TMEM144: variants seen among roughly 807,000 people sequenced by gnomAD.
TMEM144 encodes the protein transmembrane protein 144.
A neutral mutation model predicts 43.6 loss-of-function variants in TMEM144; 39 were observed. That is an observed-to-expected ratio of 0.90 (90% CI 0.69 to 1.17). TMEM144 has a LOEUF of 1.17. Ranked by LOEUF, TMEM144 falls within the 50% of genes most tolerant of loss-of-function variation. TMEM144 has a pLI of 0.00. For synonymous variants in TMEM144, 154 were observed against 133.6 expected, an observed-to-expected ratio of 1.15 and a Z score of -1.06; for missense variants, 417 against 411.9, an observed-to-expected ratio of 1.01 and a Z score of -0.11.
intron 6 of TMEM144, among the ~76,000 whole-genome samples, chr4:158,232,371 T>C (rs1451568505): frequency 6.6e-6 from 1 of 152,216 alleles, no homozygotes; most frequent in Non-Finnish European, 1.5e-5. Flanking sequence ...GTAGGCCACC[T>C]CACCTGAGTT....
intron 6 of TMEM144, among the ~76,000 whole-genome samples, chr4:158,221,864 A>T (rs141077437): frequency 2.2e-3 from 333 of 152,288 alleles, no homozygotes; most frequent in African/African-American, 7.5e-3. Flanking sequence ...ACAGAAGGGA[A>T]TGATGCTGAT....
intron 6 of TMEM144, among the ~76,000 whole-genome samples, chr4:158,226,119 G>C (rs1392873301): frequency 1.3e-5 from 2 of 152,144 alleles, no homozygotes; most frequent in Non-Finnish European, 2.9e-5. Flanking sequence ...TTTGCATCTT[G>C]GTATCCTGTC....
chr4:158,210,829 C>T (rs1219114039), intron 1 of TMEM144: 1 of 152,008 alleles, frequency 6.6e-6, no homozygotes, highest in East Asian at 1.9e-4. Context: ...ATACCAAATA[C>T]GAATTTTTTC....
intron 6 of TMEM144, among the ~76,000 whole-genome samples, chr4:158,224,085 T>C (rs1471230998): frequency 6.6e-6 from 1 of 152,194 alleles, no homozygotes; most frequent in African/African-American, 2.4e-5. Flanking sequence ...TGTTTCTCTT[T>C]TTTTTAATAA....
At chr4:158,230,345 G>C (rs1473157170) in intron 6 of TMEM144, among the ~76,000 whole-genome samples, 1 of 152,134 alleles carries the variant, frequency 6.6e-6, no homozygotes, top group Non-Finnish European at 1.5e-5. Flanking sequence ...TGGATACCTT[G>C]GTTGCCAGTG....
rs1560819937 is a variant in TMEM144, at chr4:158,215,327, T to TA, written c.232+16dup. 3.1e-6 allele frequency: 5 copies of TA among 1,611,370 alleles called. No homozygotes were observed. The Admixed American group carries it at 8.4e-5, about 27-fold the overall frequency. On this transcript the variant is annotated intron_variant, in intron 4 of 12. Coordinates refer to ENST00000296529, the MANE Select transcript of TMEM144 (RefSeq NM_018342.5). Reference sequence around the variant, plus strand: ...TTTGGGCAACAGGTAATGTCTGATATAACTTATACTTTTATTATGTAACAT... The same window carrying TA: ...TTTGGGCAACAGGTAATGTCTGATATAAACTTATACTTTTATTATGTAACAT...
intron 6 of TMEM144, among the ~76,000 whole-genome samples, chr4:158,227,621 C>T (rs1431244313): frequency 2.6e-5 from 4 of 152,198 alleles, no homozygotes; most frequent in Non-Finnish European, 5.9e-5. Flanking sequence ...TCTCTCTCTT[C>T]TCGCTTATTC....
chr4:158,228,009 C>T (rs924583734), intron 6 of TMEM144, among the ~76,000 whole-genome samples: 1 of 152,098 alleles, frequency 6.6e-6, no homozygotes. Context: ...AAGCAAAGAA[C>T]GGGTAAAAAG....
intron 6 of TMEM144, among the ~76,000 whole-genome samples, chr4:158,224,922 C>T (rs1472544659): frequency 6.6e-6 from 1 of 152,138 alleles, no homozygotes; most frequent in Admixed American, 6.5e-5. Flanking sequence ...AATACCTCTA[C>T]ACAGTTATGT....
chr4:158,235,249 G>A, intron 7 of TMEM144, 189 bp from the exon 8 acceptor site: 1 of 535,400 alleles, frequency 1.9e-6, no homozygotes, highest in East Asian at 3.0e-5. Context: ...CAACTGCCAA[G>A]TCATCCTAAA....
intron 6 of TMEM144, among the ~76,000 whole-genome samples, chr4:158,228,964 G>T (rs1289214663): frequency 6.6e-6 from 1 of 152,038 alleles, no homozygotes; most frequent in Non-Finnish European, 1.5e-5. Flanking sequence ...TTGACTGGGG[G>T]CTGCATGCAC....
rs929529900 is a variant in TMEM144, at chr4:158,253,712, A to G, written c.*185A>G. 4 of 572,906 alleles carry G rather than the reference A, an allele frequency of 7.0e-6. No homozygotes were observed. The Admixed American group carries it at 1.3e-4, about 19-fold the overall frequency. 35.5% of individuals were successfully genotyped at this position (572,906 alleles called of 1,614,324 possible). A position where few individuals can be genotyped will look rare whatever the true frequency, so the allele number is the denominator to read the frequency against. On this transcript the variant is annotated 3_prime_UTR_variant, in exon 13 of 13. Transcript: ENST00000296529. ...AAGGAAGATTGAGTTTCATTCAAGT[A>G]TAAAAATGAAAATTTCTTCTGATGA...
chr4:158,233,807 T>A (rs1049316151), intron 7 of TMEM144: 1 of 152,236 alleles, frequency 6.6e-6, no homozygotes, highest in Non-Finnish European at 1.5e-5. Flanking sequence ...AAACCTTAGT[T>A]AAATTGACAC....
intron 12 of TMEM144, among the ~76,000 whole-genome samples, chr4:158,248,443 AT>A (rs1736004660): frequency 6.6e-6 from 1 of 152,128 alleles, no homozygotes. Context: ...AACCACATAA[AT>A]AAATAAACAA....
intron 11 of TMEM144, 69 bp from the exon 12 acceptor site, chr4:158,244,227 A>T: frequency 8.5e-7 from 1 of 1,180,370 alleles, no homozygotes; most frequent in African/African-American, 1.6e-5. Context: ...TCTCTAACTT[A>T]CTATATTTAT....
chr4:158,250,195 C>CATAT (rs5863314), intron 12 of TMEM144, among the ~76,000 whole-genome samples: 2,023 of 135,250 alleles, frequency 0.015, 27 homozygotes, highest in Non-Finnish European at 0.023. Context: ...TAATACATAA[C>CATAT]ATATATATAT....
At chr4:158,229,558 A>G (rs1250447880) in intron 6 of TMEM144, among the ~76,000 whole-genome samples, 2 of 152,056 alleles carry the variant, frequency 1.3e-5, no homozygotes, top group Admixed American at 6.5e-5. Context: ...GGGGAAAACC[A>G]TTTATCTGGT....
At chr4:158,249,051 A>C (rs556086255) in intron 12 of TMEM144, among the ~76,000 whole-genome samples, 1 of 151,866 alleles carries the variant, frequency 6.6e-6, no homozygotes, top group African/African-American at 2.4e-5. Context: ...GGATTACAGA[A>C]GCCCGCCACC....
chr4:158,248,794 G>A (rs1254083516), intron 12 of TMEM144, among the ~76,000 whole-genome samples: 2 of 152,166 alleles, frequency 1.3e-5, no homozygotes. Flanking sequence ...CTACAGCTGC[G>A]AGGAATAAAG....
Sources: allele counts gnomAD v4.1 joint callset (sites outside exome capture counted in the v4.1 genomes callset), GRCh38; gene constraint gnomAD v4.1.1; transcripts MANE v1.5; gene names NCBI Gene and HGNC (gene_info 2026-07-23, HGNC 2026-07-21).